The following FGF12 variants were observed in gnomAD, a reference collection of about 807,000 sequenced individuals.
FGF12 encodes the protein fibroblast growth factor 12, also known as fibroblast growth factor 12B.
A neutral mutation model predicts 23.6 loss-of-function variants in FGF12; 14 were observed. The ratio of observed to expected loss-of-function variants is 0.59; its 90% CI spans 0.39 to 0.93. The LOEUF (loss-of-function observed/expected upper bound fraction) is 0.93. Among genes scored for constraint, FGF12 ranks in the 40% least tolerant of loss-of-function variants. The probability of loss-of-function intolerance (pLI) is 0.00; values close to 1 mark genes in which losing one functional copy is unlikely to be tolerated. For missense variants in FGF12, 175 were observed against 217.8 expected (o/e 0.80, Z 1.24); for synonymous variants, 62 against 77.3 (o/e 0.80, Z 1.04).
At chr3:192,368,189 GACTGCTTTAAAACTACT>G (rs760245915) in intron 2 of FGF12, among the ~76,000 whole-genome samples, 7 of 152,142 alleles carry the variant, frequency 4.6e-5, no homozygotes, top group Non-Finnish European at 1.0e-4. Flanking sequence ...CTTCAACTAT[GACTGCTTTAAAACTACT>G]ACTTGACATC....
At chr3:192,166,647 C>G (rs1404009999) in intron 5 of FGF12, among the ~76,000 whole-genome samples, 1 of 152,112 alleles carries the variant, frequency 6.6e-6, no homozygotes, top group African/African-American at 2.4e-5. Flanking sequence ...ATACTGGAAC[C>G]TACTTCGTAC....
chr3:192,181,629 G>GTTT (rs72218051), intron 4 of FGF12, among the ~76,000 whole-genome samples: 5 of 127,408 alleles, frequency 3.9e-5, no homozygotes, highest in Admixed American at 8.0e-5. Flanking sequence ...GAAGTAATTT[G>GTTT]TTTTTTTTTT....
intron 4 of FGF12, among the ~76,000 whole-genome samples, chr3:192,253,414 C>G (rs1012094540): frequency 8.8e-5 from 13 of 148,520 alleles, no homozygotes; most frequent in African/African-American, 3.0e-4. Context: ...AATATGGCAA[C>G]AAGGAGAGAG....
chr3:192,613,051 G>A (rs1714610111), intron 2 of FGF12, among the ~76,000 whole-genome samples: 1 of 151,716 alleles, frequency 6.6e-6, no homozygotes, highest in South Asian at 2.1e-4. Context: ...TTGGTGGGAA[G>A]ATCTGTAGGC....
chr3:192,662,773 T>A (rs1319345503), intron 2 of FGF12, among the ~76,000 whole-genome samples: 1 of 152,218 alleles, frequency 6.6e-6, no homozygotes, highest in Non-Finnish European at 1.5e-5. Flanking sequence ...TCATTTTGAG[T>A]CAGAGTCTTA....
intron 4 of FGF12, among the ~76,000 whole-genome samples, chr3:192,174,486 G>A (rs1715749380): frequency 6.6e-6 from 1 of 152,150 alleles, no homozygotes; most frequent in East Asian, 1.9e-4. Flanking sequence ...CCTGACCAGG[G>A]CAAGACATTT....
intron 2 of FGF12, among the ~76,000 whole-genome samples, chr3:192,590,431 T>C (rs1217068217): frequency 1.3e-5 from 2 of 151,960 alleles, no homozygotes; most frequent in Non-Finnish European, 2.9e-5. Flanking sequence ...TGTGAACATA[T>C]CAGTAGAACT....
At chr3:192,374,340 T>C (rs1719377401) in intron 2 of FGF12, among the ~76,000 whole-genome samples, 1 of 152,198 alleles carries the variant, frequency 6.6e-6, no homozygotes, top group South Asian at 2.1e-4. Flanking sequence ...TAGTCATAAA[T>C]GGGAAAACAA....
At chr3:192,192,218 A>G (rs1339591205) in intron 4 of FGF12, among the ~76,000 whole-genome samples, 1 of 152,114 alleles carries the variant, frequency 6.6e-6, no homozygotes, top group Non-Finnish European at 1.5e-5. Flanking sequence ...CTAGCTTCAT[A>G]CTTTTCTTAC....
At chr3:192,654,737 A>G (rs762322050) in intron 2 of FGF12, among the ~76,000 whole-genome samples, 1 of 152,228 alleles carries the variant, frequency 6.6e-6, no homozygotes, top group Non-Finnish European at 1.5e-5. Context: ...CCTGCATCAC[A>G]GTTTGACAGA....
chr3:192,321,432 G>A (rs1190709205), intron 4 of FGF12, among the ~76,000 whole-genome samples: 4 of 151,038 alleles, frequency 2.6e-5, no homozygotes, highest in Non-Finnish European at 5.9e-5. Context: ...TAGAAGAGGA[G>A]GGAATAATAC....
chr3:192,445,025 T>G lies in FGF12; in HGVS notation c.14-84487A>C, dbSNP rs115289884. 8.3e-3 allele frequency among the ~76,000 whole-genome samples: 1,272 copies of G among 152,344 alleles called. 15 individuals carry two copies. Among genetic ancestry groups the G allele is most frequent in the African/African-American group, 0.029 (1,217 of 41,580 alleles). On this transcript the variant is annotated intron_variant, in intron 2 of 5. Transcript: ENST00000445105. ...GATTGCATTCAAGTTAAAATTTACA[T>G]AGTATCTGGGCAGTAAATTCCACCA...
At chr3:192,458,937 C>A (rs1722770569) in intron 2 of FGF12, among the ~76,000 whole-genome samples, 1 of 152,088 alleles carries the variant, frequency 6.6e-6, no homozygotes, top group Admixed American at 6.6e-5. Flanking sequence ...GCTGTTCTTG[C>A]AGTAGTGAAT....
chr3:192,186,457 T>C (rs894605290), intron 4 of FGF12, among the ~76,000 whole-genome samples: 20 of 152,258 alleles, frequency 1.3e-4, no homozygotes, highest in Admixed American at 1.1e-3. Context: ...GTGCACATAG[T>C]AAGCCTACTA....
rs1724596881 is a variant in FGF12, at chr3:192,514,538, T to G, written c.14-154000A>C. 7 of 265,864 alleles carry G rather than the reference T, an allele frequency of 2.6e-5. No individual in the cohort carries two copies. The South Asian group carries it at 8.4e-4, about 32-fold the overall frequency. The allele number at this position is 265,864 out of a possible 1,614,324, so 16.5% of individuals were successfully genotyped here. On this transcript the variant is annotated intron_variant, in intron 2 of 5. Coordinates refer to ENST00000445105, the MANE Select transcript of FGF12 (RefSeq NM_004113.6). This position sits in a 1 kb window ranked among gnomAD's most constrained non-coding sequence, Gnocchi z 4.9. ...CGGAGGGGCCCTGACCTCGCCCCAG[T>G]CGGGAAACGCCTTCCCTCCGCCACA...
chr3:192,643,634 G>C (rs576965223), intron 2 of FGF12, among the ~76,000 whole-genome samples: 39 of 152,208 alleles, frequency 2.6e-4, no homozygotes, highest in African/African-American at 9.1e-4. Context: ...TCAAGGCTCT[G>C]CTTCCTTGAA....
chr3:192,623,929 C>A (rs1331436339), intron 2 of FGF12, among the ~76,000 whole-genome samples: 1 of 152,052 alleles, frequency 6.6e-6, no homozygotes, highest in Admixed American at 6.6e-5. Flanking sequence ...GTTTATGGAG[C>A]CTCCAAAAAC....
Position 192,675,133 on chromosome 3 carries a change from A to T in FGF12, c.13+52048T>A, listed in dbSNP as rs60933621. Among the ~76,000 whole-genome samples the T allele has an allele frequency of 1.2e-3, 176 of 152,310 alleles. 5 individuals are homozygous for T. The East Asian group carries it at 0.03, about 26-fold the overall frequency. On this transcript the variant is annotated intron_variant, in intron 2 of 5. Transcript: ENST00000445105. Reference sequence around the variant, plus strand: ...TAGGGATAGAGTAAGTGGTAGGAGCAAATCAGTTGAGTGACTAAAGCCTGT... The same window carrying T: ...TAGGGATAGAGTAAGTGGTAGGAGCTAATCAGTTGAGTGACTAAAGCCTGT...
intron 2 of FGF12, among the ~76,000 whole-genome samples, chr3:192,568,689 C>T (rs1712457879): frequency 6.6e-6 from 1 of 152,010 alleles, no homozygotes; most frequent in Admixed American, 6.5e-5. Flanking sequence ...TAAATATCTG[C>T]CTATTGTGGA....
Sources: gnomAD v4.1 joint callset for allele counts (sites outside exome capture counted in the v4.1 genomes callset) on GRCh38, gnomAD v4.1.1 for gene constraint, Gnocchi (gnomAD v3.1) non-coding constraint, MANE v1.5 for transcripts, NCBI Gene and HGNC (gene_info 2026-07-23, HGNC 2026-07-21) for gene names.